Variants in DENND2A observed in about 807,000 individuals in gnomAD.
DENND2A encodes the protein DENN domain containing 2A, also known as DENN domain-containing protein 2A.
Under a neutral mutation model 105.3 loss-of-function variants are expected in DENND2A, and 53 were observed. That is an observed-to-expected ratio of 0.50 (90% confidence interval 0.40 to 0.63). The LOEUF is 0.63. Among genes scored for constraint, DENND2A ranks in the 30% least tolerant of loss-of-function variants. The pLI is 0.00. For missense variants in DENND2A, 1,138 were observed against 1,279.6 expected, an observed-to-expected ratio of 0.89 and a Z score of 1.69; for synonymous variants, 522 against 508.4, an observed-to-expected ratio of 1.03 and a Z score of -0.36.
At chr7:140,630,563 A>G (rs904249687) in intron 1 of DENND2A, among the ~76,000 whole-genome samples, 2 of 152,194 alleles carry the variant, frequency 1.3e-5, no homozygotes, top group Non-Finnish European at 2.9e-5. Context: ...TATTCAAAAT[A>G]CATAACAGGC....
chr7:140,586,776 A>G (rs748637147), intron 4 of DENND2A, among the ~76,000 whole-genome samples: 6 of 152,294 alleles, frequency 3.9e-5, no homozygotes, highest in Non-Finnish European at 5.9e-5. Context: ...TTGCTTAGCT[A>G]AGCATCTGCC....
At chr7:140,544,566 C>G (rs375815461) in intron 14 of DENND2A, 52 bp downstream of exon 14, 4 of 1,611,972 alleles carry the variant, frequency 2.5e-6, no homozygotes, top group South Asian at 1.1e-5. Context: ...ACTAGAGGGT[C>G]CAAGAGCGAC....
rs1326317250 is a variant in DENND2A at position 140,523,444 on chromosome 7, G to T, written c.2548-20C>A. On this transcript the variant is annotated intron_variant, in intron 16 of 19. Coordinates refer to ENST00000496613, the MANE Select transcript of DENND2A (RefSeq NM_015689.5). This position sits in a 1 kb window ranked among gnomAD's most constrained non-coding sequence, Gnocchi z 4.5. ...GTCCATCTGGAAAGCAGAGGTAGCA[G>T]GTGGGCTTATGGGCACGGTGGCTGC... 6.2e-7 allele frequency: 1 copy of T among 1,612,450 alleles called. No homozygotes were observed. Among genetic ancestry groups the T allele is most frequent in the East Asian group, 2.2e-5 (1 of 44,866 alleles).
In DENND2A at chr7:140,562,950, G is replaced by A. The variant is rs892788671; in HGVS notation, c.1780-3133C>T. On this transcript the variant is annotated intron_variant, in intron 9 of 19. Coordinates refer to ENST00000496613, the MANE Select transcript of DENND2A (RefSeq NM_015689.5). ...AAGTCTTTGAGTTGGTAAATCACAA[G>A]CTCAGACTGTCCCCTAAACAGTAAT... is the stretch of plus-strand genomic sequence containing the variant. Among the ~76,000 whole-genome samples, 9 of 152,286 alleles carry A rather than the reference G, an allele frequency of 5.9e-5. No homozygotes were observed. The East Asian group carries it at 1.5e-3, about 26-fold the overall frequency.
At chr7:140,576,923 T>C (rs948373798) in intron 5 of DENND2A, among the ~76,000 whole-genome samples, 1 of 152,226 alleles carries the variant, frequency 6.6e-6, no homozygotes, top group African/African-American at 2.4e-5. Flanking sequence ...CTGCTTTTGT[T>C]AGAGATGTAG....
intron 4 of DENND2A, 84 bp downstream of exon 4, chr7:140,587,569 T>C: frequency 6.3e-7 from 1 of 1,576,308 alleles, no homozygotes; most frequent in Non-Finnish European, 8.6e-7. Flanking sequence ...TGTGTGCACG[T>C]GTGTTTCCAG....
chr7:140,638,500 CCT>C (rs1563194162), intron 1 of DENND2A, among the ~76,000 whole-genome samples: 1 of 152,180 alleles, frequency 6.6e-6, no homozygotes, highest in African/African-American at 2.4e-5. Flanking sequence ...TTGGTCTCCT[CCT>C]CCTCCTCCAG....
intron 9 of DENND2A, among the ~76,000 whole-genome samples, chr7:140,563,426 C>A (rs73491576): frequency 0.012 from 1,867 of 152,178 alleles, 34 homozygotes; most frequent in African/African-American, 0.043. Context: ...ACAGCCCAGT[C>A]TCCCTGAACT....
At chr7:140,565,878 T>C (rs1006632595) in intron 9 of DENND2A, among the ~76,000 whole-genome samples, 2 of 152,048 alleles carry the variant, frequency 1.3e-5, no homozygotes, top group Non-Finnish European at 2.9e-5. Flanking sequence ...TGACCTCTGG[T>C]AGTCCTCACT....
chr7:140,587,244 C>T, intron 4 of DENND2A, among the ~76,000 whole-genome samples: 1 of 152,136 alleles, frequency 6.6e-6, no homozygotes, highest in Non-Finnish European at 1.5e-5. Context: ...AGTCCTTAAC[C>T]TTGCAAGGGA....
intron 12 of DENND2A, among the ~76,000 whole-genome samples, chr7:140,550,396 T>G (rs2130540308): frequency 6.6e-6 from 1 of 152,232 alleles, no homozygotes; most frequent in African/African-American, 2.4e-5. Context: ...TCGCTGTTGT[T>G]GCCCAGGCTG....
At chr7:140,639,418 C>A (rs1293775600) in intron 1 of DENND2A, among the ~76,000 whole-genome samples, 3 of 151,862 alleles carry the variant, frequency 2.0e-5, no homozygotes, top group Non-Finnish European at 4.4e-5. Context: ...TTTTCATTAC[C>A]AGGCCTCAGA....
rs1585573144 is a variant in DENND2A at position 140,536,324 on chromosome 7, C to T, written c.2327+8294G>A. On this transcript the variant is annotated intron_variant, in intron 14 of 19. Transcript: ENST00000496613. ...GAGCCGAGATCATGCCACTGCACTC[C>T]AGCCTGGGCAACAGAGCAAGCCTCC... 2.6e-5 allele frequency among the ~76,000 whole-genome samples: 4 copies of T among 151,676 alleles called. 1 individual carries two copies. The highest frequency in any genetic ancestry group is 9.7e-5 in the African/African-American group (4 of 41,294).
intron 3 of DENND2A, among the ~76,000 whole-genome samples, chr7:140,595,901 C>G (rs1010464244): frequency 6.6e-6 from 1 of 152,154 alleles, no homozygotes; most frequent in Non-Finnish European, 1.5e-5. Flanking sequence ...CTGCCTGTCT[C>G]TCCTGAGTGG....
chr7:140,546,367 G>T (rs768889479), intron 13 of DENND2A, among the ~76,000 whole-genome samples: 17 of 151,422 alleles, frequency 1.1e-4, no homozygotes, highest in Admixed American at 1.1e-3. Context: ...GCAGTGAGCC[G>T]AGATCACACC....
In DENND2A at chr7:140,640,603, G is replaced by C. The variant is rs1801165811; in HGVS notation, c.-347C>G. 6.7e-6 allele frequency: 1 copy of C among 148,842 alleles called. No individual in the cohort carries two copies. The highest frequency in any genetic ancestry group is 1.5e-5 in the Non-Finnish European group (1 of 66,592). 9.2% of individuals were successfully genotyped at this position (148,842 alleles called of 1,614,324 possible). A position where few individuals can be genotyped will look rare whatever the true frequency, so the allele number is the denominator to read the frequency against. ...GCGCGGCTCGGGGGCGGGCGGCGGCGGGTGCCGGGGACGCCATGGCCCTCC... is the reference window on the plus strand; with the variant it reads ...GCGCGGCTCGGGGGCGGGCGGCGGCCGGTGCCGGGGACGCCATGGCCCTCC... On this transcript the variant is annotated 5_prime_UTR_variant, in exon 1 of 20. Transcript: ENST00000496613. The surrounding 1 kb of genome is among the most constrained non-coding windows in gnomAD (Gnocchi z 4.9).
intron 1 of DENND2A, among the ~76,000 whole-genome samples, chr7:140,621,817 G>A (rs1800305034): frequency 6.6e-6 from 1 of 152,222 alleles, no homozygotes; most frequent in Non-Finnish European, 1.5e-5. Flanking sequence ...TTGTGGAAGA[G>A]CAGCCCTGAG....
At chr7:140,519,788 C>T (rs984285505) in intron 18 of DENND2A, 70 bp from the exon 19 acceptor site, 16 of 1,377,866 alleles carry the variant, frequency 1.2e-5, no homozygotes, top group Non-Finnish European at 3.1e-6. Context: ...CCATTTCCTC[C>T]CTACCAGAGA....
At chr7:140,637,246 C>A (rs568502474) in intron 1 of DENND2A, among the ~76,000 whole-genome samples, 29 of 152,298 alleles carry the variant, frequency 1.9e-4, no homozygotes, top group African/African-American at 7.0e-4. Flanking sequence ...TTCTAATGCA[C>A]ACCCCAAGAT....
Sources: gnomAD v4.1 joint callset for allele counts (sites outside exome capture counted in the v4.1 genomes callset) on GRCh38, gnomAD v4.1.1 for gene constraint, Gnocchi (gnomAD v3.1) non-coding constraint, MANE v1.5 for transcripts, NCBI Gene and HGNC (gene_info 2026-07-23, HGNC 2026-07-21) for gene names.